DCDC2: variants seen among roughly 807,000 people sequenced by gnomAD.
DCDC2 encodes doublecortin domain containing 2, also known as doublecortin domain-containing protein 2.
DCDC2 carries 40 observed loss-of-function variants against 50.2 expected under a neutral mutation model. That is an observed-to-expected ratio of 0.80 (90% confidence interval 0.62 to 1.04). The LOEUF is 1.04. DCDC2 is among the 50% of genes least tolerant of loss of function. The probability of loss-of-function intolerance (pLI) is 0.00; values close to 1 mark genes in which losing one functional copy is unlikely to be tolerated. For missense variants in DCDC2, 570 were observed against 581.9 expected (o/e 0.98, Z 0.21); for synonymous variants, 234 against 210.6 (o/e 1.11, Z -0.96).
In DCDC2 at chr6:24,171,866, T is replaced by G. The variant is rs1257780014; in HGVS notation, c.*2864A>C. 6.6e-6 allele frequency: 1 copy of G among 152,228 alleles called. No individual in the cohort carries two copies. The highest frequency in any genetic ancestry group is 1.5e-5 in the Non-Finnish European group (1 of 68,032). 9.4% of individuals were successfully genotyped at this position (152,228 alleles called of 1,614,324 possible). On this transcript the variant is annotated 3_prime_UTR_variant, in exon 10 of 10. Coordinates refer to ENST00000378454, the MANE Select transcript of DCDC2 (RefSeq NM_016356.5). ...TAAAATCCAGATAAGTTTAACAAAG[T>G]GGTTTCATAAAACTATAAAAACTAT...
chr6:24,339,625 T>G (rs548071031), intron 2 of DCDC2, among the ~76,000 whole-genome samples: 1 of 152,170 alleles, frequency 6.6e-6, no homozygotes, highest in Non-Finnish European at 1.5e-5. Context: ...CTTCTCCAAT[T>G]GCTGCCAACA....
intron 2 of DCDC2, among the ~76,000 whole-genome samples, chr6:24,325,210 C>A (rs1458154164): frequency 7.6e-6 from 1 of 131,892 alleles, no homozygotes; most frequent in Admixed American, 7.5e-5. Context: ...CCTCACACTT[C>A]TCCTCGGTTC....
At chr6:24,381,198 T>C in the DCDC2 span, among the ~76,000 whole-genome samples, 1 of 152,186 alleles carries the variant, frequency 6.6e-6, no homozygotes. Context: ...TCAAGTTAAT[T>C]AGCACATCTC....
chr6:24,245,901 A>G (rs1762661793), intron 7 of DCDC2, among the ~76,000 whole-genome samples: 1 of 152,250 alleles, frequency 6.6e-6, no homozygotes. Context: ...TAAAAATTCA[A>G]TGGAAGGACT....
intron 7 of DCDC2, among the ~76,000 whole-genome samples, chr6:24,243,707 G>A (rs972146104): frequency 2.6e-5 from 4 of 152,140 alleles, no homozygotes; most frequent in Admixed American, 2.0e-4. Flanking sequence ...CTGGCTACAT[G>A]GCTGATTGTG....
At chr6:24,271,446 C>T (rs62400401) in intron 7 of DCDC2, among the ~76,000 whole-genome samples, 6,610 of 152,004 alleles carry the variant, frequency 0.043, 150 homozygotes, top group African/African-American at 0.053. Flanking sequence ...TGTGACAATC[C>T]CAAACTAATC....
chr6:24,192,948 T>C (rs890060395), intron 8 of DCDC2, among the ~76,000 whole-genome samples: 2 of 151,868 alleles, frequency 1.3e-5, no homozygotes, highest in African/African-American at 2.4e-5. Flanking sequence ...CCAAGACACA[T>C]AATTGGAAAT....
At chr6:24,267,127 C>G (rs1763138425) in intron 7 of DCDC2, among the ~76,000 whole-genome samples, 2 of 152,040 alleles carry the variant, frequency 1.3e-5, no homozygotes, top group Non-Finnish European at 2.9e-5. Context: ...CACGAAGATA[C>G]AGAGTAGAAT....
At chr6:24,227,033 CAA>C (rs1762246199) in intron 7 of DCDC2, among the ~76,000 whole-genome samples, 1 of 152,000 alleles carries the variant, frequency 6.6e-6, no homozygotes, top group African/African-American at 2.4e-5. Flanking sequence ...GAACATGACA[CAA>C]AGATACACAG....
intron 4 of DCDC2, among the ~76,000 whole-genome samples, chr6:24,292,736 A>G (rs1763778136): frequency 1.3e-5 from 2 of 152,216 alleles, no homozygotes; most frequent in South Asian, 2.1e-4. Flanking sequence ...GAATACTGGC[A>G]TTATTGACAT....
chr6:24,332,056 T>C (rs1340459549), intron 2 of DCDC2, among the ~76,000 whole-genome samples: 2 of 152,174 alleles, frequency 1.3e-5, no homozygotes, highest in African/African-American at 2.4e-5. Context: ...CCATCAAATA[T>C]ACTGACATCT....
In DCDC2 at chr6:24,215,262, T is replaced by C. The variant is rs563974287; in HGVS notation, c.923-10160A>G. ...AAAGGCTTGGAGGCATTGCAGGTTG[T>C]ATTCCAAGAACTGCAGGCAGATCCG... On this transcript the variant is annotated intron_variant, in intron 7 of 9. Coordinates refer to ENST00000378454, the MANE Select transcript of DCDC2 (RefSeq NM_016356.5). Among the ~76,000 whole-genome samples, 7 of 152,330 alleles carry C rather than the reference T, an allele frequency of 4.6e-5. No homozygotes were observed. In the East Asian group the frequency reaches 7.7e-4, roughly 17 times the overall value.
intron 8 of DCDC2, among the ~76,000 whole-genome samples, chr6:24,182,487 G>A (rs914722044): frequency 2.0e-5 from 3 of 152,082 alleles, no homozygotes; most frequent in African/African-American, 4.8e-5. Flanking sequence ...AAAAATGTGC[G>A]AAGTACTTGA....
At chr6:24,295,468 G>A (rs1422715341) in intron 4 of DCDC2, among the ~76,000 whole-genome samples, 2 of 152,024 alleles carry the variant, frequency 1.3e-5, no homozygotes, top group Non-Finnish European at 2.9e-5. Context: ...CCCTTCCTAG[G>A]GCAGTCATCA....
chr6:24,380,911 C>T, the DCDC2 span, among the ~76,000 whole-genome samples: 1 of 151,880 alleles, frequency 6.6e-6, no homozygotes, highest in Non-Finnish European at 1.5e-5. Context: ...CAGTGGGAAC[C>T]CATCTCTACA....
At chr6:24,284,668 C>A (rs1355330150) in intron 6 of DCDC2, among the ~76,000 whole-genome samples, 5 of 151,302 alleles carry the variant, frequency 3.3e-5, no homozygotes, top group Admixed American at 6.6e-5. Flanking sequence ...CTCCCTATAA[C>A]CCTCAAATGG....
intron 9 of DCDC2, among the ~76,000 whole-genome samples, chr6:24,176,260 A>G (rs571485192): frequency 1.3e-5 from 2 of 152,070 alleles, no homozygotes; most frequent in African/African-American, 2.4e-5. Context: ...CACGCCACTG[A>G]ACTCCAGCCT....
At chr6:24,253,038 A>T (rs1321525639) in intron 7 of DCDC2, among the ~76,000 whole-genome samples, 1 of 152,214 alleles carries the variant, frequency 6.6e-6, no homozygotes, top group Non-Finnish European at 1.5e-5. Flanking sequence ...ATGCAGCTAA[A>T]GCTGTGATAA....
chr6:24,283,081 G>T (rs771648566), intron 6 of DCDC2, among the ~76,000 whole-genome samples: 5 of 152,218 alleles, frequency 3.3e-5, no homozygotes, highest in African/African-American at 1.2e-4. Context: ...TCATTTAGTC[G>T]TTGGCTTTCA....
Sources: allele counts gnomAD v4.1 joint callset (sites outside exome capture counted in the v4.1 genomes callset), GRCh38; gene constraint gnomAD v4.1.1; transcripts MANE v1.5; gene names NCBI Gene and HGNC (gene_info 2026-07-23, HGNC 2026-07-21).